NRP1: variants seen among roughly 807,000 people sequenced by gnomAD.
The protein encoded by NRP1 is neuropilin 1.
In NRP1, 35 loss-of-function variants were observed where a neutral mutation model predicts 106.7. The observed-to-expected ratio is 0.33, with a 90% CI of 0.25 to 0.43. NRP1 has a LOEUF of 0.43. Among genes scored for constraint, NRP1 ranks in the 20% least tolerant of loss-of-function variants. The pLI is 1.00. For synonymous variants in NRP1, 437 were observed against 417.9 expected (o/e 1.05, Z -0.56); for missense variants, 1,024 against 1,170.4 (o/e 0.87, Z 1.83).
At chr10:33,248,885 T>C (rs933808999) in intron 6 of NRP1, among the ~76,000 whole-genome samples, 11 of 152,120 alleles carry the variant, frequency 7.2e-5, no homozygotes, top group African/African-American at 2.7e-4. Flanking sequence ...CCAGAATAAG[T>C]GAAGGCATAA....
intron 7 of NRP1, among the ~76,000 whole-genome samples, chr10:33,222,376 C>G (rs1400736451): frequency 6.6e-6 from 1 of 152,180 alleles, no homozygotes. Context: ...GTCCCTCACA[C>G]TAATGCGTGA....
chr10:33,213,433 C>T lies in NRP1; in HGVS notation c.1567G>A (p.Gly523Ser), dbSNP rs1205457813. ...RKFKIGYSNNGSDWKMIMDDS... is the reference protein window; with the variant it reads ...RKFKIGYSNNSSDWKMIMDDS... ...TCCATGATCATCTTCCAGTCCGAGC[C>T]GTTGTTGCTGTACCCGATCTTGAAC... The change falls in exon 9 of 17, where the codon GGC becomes AGC. Residue 523 changes from glycine (G) to serine (S), a missense_variant. By Grantham distance (56) the Gly-to-Ser change is moderately conservative (BLOSUM62 0). Around this residue, in one of 5 missense-constraint regions of NRP1, gnomAD observed 562 missense variants for 620.3 expected, o/e 0.91. Transcript: ENST00000374867. The T allele has an allele frequency of 8.1e-6, 13 of 1,613,866 alleles. No homozygotes were observed. Among genetic ancestry groups the T allele is most frequent in the Non-Finnish European group, 1.1e-5 (13 of 1,180,022 alleles).
At chr10:33,314,953 G>C (rs978394405) in intron 2 of NRP1, among the ~76,000 whole-genome samples, 1 of 152,192 alleles carries the variant, frequency 6.6e-6, no homozygotes, top group Non-Finnish European at 1.5e-5. Flanking sequence ...ACGGAAGCAG[G>C]CTCTAAATTA....
At chr10:33,258,642 T>G (rs1160380119) in intron 4 of NRP1, among the ~76,000 whole-genome samples, 1 of 152,238 alleles carries the variant, frequency 6.6e-6, no homozygotes, top group Non-Finnish European at 1.5e-5. Flanking sequence ...TTGCTGTTTT[T>G]TGTCTCTCTT....
intron 6 of NRP1, among the ~76,000 whole-genome samples, chr10:33,250,499 G>A (rs535151246): frequency 6.6e-4 from 101 of 152,314 alleles, no homozygotes; most frequent in Non-Finnish European, 1.3e-3. Context: ...TTAGAAATAG[G>A]AAGCACCCAA....
intron 6 of NRP1, among the ~76,000 whole-genome samples, chr10:33,241,146 C>T (rs1180632434): frequency 6.6e-6 from 1 of 151,994 alleles, no homozygotes; most frequent in African/African-American, 2.4e-5. Context: ...GAAAGGCAGT[C>T]AAAATAGAAA....
At position 33,238,535 on chromosome 10, in the gene NRP1, A is replaced by G. The variant is rs549364580; in HGVS notation, c.982-12246T>C. On this transcript the variant is annotated intron_variant, in intron 6 of 16. Transcript: ENST00000374867. ...TCCTGCCCTCTAGACAGTGAGGGAA[A>G]GAGTCAAGTAAATAGTAAATCACAA... Among the ~76,000 whole-genome samples, 217 of 152,352 alleles carry G rather than the reference A, an allele frequency of 1.4e-3. 1 individual carries two copies. The highest frequency in any genetic ancestry group is 5.1e-3 in the African/African-American group (213 of 41,580).
At chr10:33,328,637 G>A (rs890164042) in intron 2 of NRP1, among the ~76,000 whole-genome samples, 4 of 152,040 alleles carry the variant, frequency 2.6e-5, no homozygotes, top group African/African-American at 4.8e-5. Context: ...TGGATCTGGC[G>A]CCCACCAGCT....
Position 33,180,048 on chromosome 10 carries a change from TTGAC to T in NRP1, c.*24_*27del, listed in dbSNP as rs775715508. 322 of 1,607,156 alleles carry T rather than the reference TTGAC, an allele frequency of 2.0e-4. No individual in the cohort carries two copies. Among genetic ancestry groups the T allele is most frequent in the Admixed American group, 4.0e-4 (24 of 59,750 alleles). On this transcript the variant is annotated 3_prime_UTR_variant, in exon 17 of 17. Transcript: ENST00000374867. The stretch of plus-strand genomic sequence containing the variant: ...ACTCCCGTCCTTCCACTTCCGTCCT[TTGAC>T]TGTCTTTTCATCTCTGTCTGCCTTC...
At chr10:33,241,485 C>T (rs530775163) in intron 6 of NRP1, among the ~76,000 whole-genome samples, 14 of 152,188 alleles carry the variant, frequency 9.2e-5, no homozygotes, top group African/African-American at 3.4e-4. Context: ...TCCTCCCTAG[C>T]ACTGCCTGAA....
At chr10:33,313,601 G>T (rs1256793228) in intron 2 of NRP1, among the ~76,000 whole-genome samples, 1 of 152,150 alleles carries the variant, frequency 6.6e-6, no homozygotes, top group Non-Finnish European at 1.5e-5. Context: ...AGACAAAAGT[G>T]CTTAAAGAGA....
chr10:33,297,335 T>A (rs938669139), intron 2 of NRP1, among the ~76,000 whole-genome samples: 2 of 152,182 alleles, frequency 1.3e-5, no homozygotes, highest in Non-Finnish European at 2.9e-5. Context: ...AATATAACGA[T>A]TCTGGAACAT....
chr10:33,187,917 G>A (rs2070300), intron 13 of NRP1, among the ~76,000 whole-genome samples: 48,210 of 151,998 alleles, frequency 0.32, 8,185 homozygotes, highest in East Asian at 0.63. Context: ...GTGAGAGCCC[G>A]CCCTTCTTCA....
At position 33,254,022 on chromosome 10, in the gene NRP1, G is replaced by A. The variant is rs1030495477; in HGVS notation, c.981+6C>T. 19 of 1,601,904 alleles carry A rather than the reference G, an allele frequency of 1.2e-5. No homozygotes were observed. The highest frequency in any genetic ancestry group is 1.7e-4 in the Middle Eastern group (1 of 5,832). ...TCCTAGATAGGCTTGATCTTATGCT[G>A]CATACCTGTATCCACTCTCGGTAGG... On this transcript the variant is annotated splice_donor_region_variant and intron_variant, in intron 6 of 16. Coordinates refer to ENST00000374867, the MANE Select transcript of NRP1 (RefSeq NM_003873.7).
At chr10:33,290,605 CTT>C (rs1296988906) in intron 2 of NRP1, among the ~76,000 whole-genome samples, 3 of 152,092 alleles carry the variant, frequency 2.0e-5, no homozygotes, top group Non-Finnish European at 4.4e-5. Context: ...TGCAAGGTTT[CTT>C]GGAGGAATCT....
intron 6 of NRP1, 77 bp downstream of exon 6, chr10:33,253,951 C>A: frequency 1.4e-6 from 2 of 1,383,044 alleles, no homozygotes; most frequent in Non-Finnish European, 2.0e-6. Flanking sequence ...TGGCACAGTA[C>A]CACTTTCTTT....
intron 2 of NRP1, among the ~76,000 whole-genome samples, chr10:33,328,491 C>CTACAGGTAG (rs878883344): frequency 2.2e-4 from 33 of 152,262 alleles, no homozygotes; most frequent in Admixed American, 1.1e-3. Context: ...TGAGCGCTTT[C>CTACAGGTAG]TACAGGTAGG....
At chr10:33,260,094 C>G (rs917033600) in intron 4 of NRP1, among the ~76,000 whole-genome samples, 2 of 152,090 alleles carry the variant, frequency 1.3e-5, no homozygotes, top group African/African-American at 4.8e-5. Context: ...AACTCCTGGC[C>G]TCAAGCAGTC....
intron 2 of NRP1, among the ~76,000 whole-genome samples, chr10:33,272,268 A>G (rs1588892972): frequency 6.6e-6 from 1 of 152,372 alleles, no homozygotes; most frequent in Middle Eastern, 3.4e-3. Context: ...CTTTGTGTAT[A>G]TCAAGAAGAA....
Sources: allele counts gnomAD v4.1 joint callset (sites outside exome capture counted in the v4.1 genomes callset), GRCh38; gene constraint gnomAD v4.1.1; regional missense constraint gnomAD v4.1.1; transcripts MANE v1.5; gene names NCBI Gene and HGNC (gene_info 2026-07-23, HGNC 2026-07-21).